CTNND2: variants seen among roughly 807,000 people sequenced by gnomAD.
CTNND2 encodes catenin delta 2, also known as catenin delta-2.
In CTNND2, 22 loss-of-function variants were observed where a neutral mutation model predicts 144.4. The observed-to-expected ratio is 0.15, with a 90% CI of 0.11 to 0.22. The LOEUF (loss-of-function observed/expected upper bound fraction) is 0.22. CTNND2 is among the 10% of genes least tolerant of loss of function. The pLI is 1.00. For synonymous variants in CTNND2, 751 were observed against 695.6 expected (o/e 1.08, Z -1.25); for missense variants, 1,353 against 1,618.8 (o/e 0.84, Z 2.82).
At chr5:11,174,094 CG>C (rs1332464457) in intron 11 of CTNND2, among the ~76,000 whole-genome samples, 1 of 152,100 alleles carries the variant, frequency 6.6e-6, no homozygotes, top group Non-Finnish European at 1.5e-5. Flanking sequence ...GAGATGGAGA[CG>C]TTCTGGCCTT....
chr5:11,827,686 G>A (rs1290382146), intron 1 of CTNND2, among the ~76,000 whole-genome samples: 2 of 152,138 alleles, frequency 1.3e-5, no homozygotes, highest in Non-Finnish European at 2.9e-5. Context: ...TGATAACACA[G>A]ATAAAACCAC....
rs376554191 is a variant in CTNND2, at chr5:11,728,379, G to T, written c.174+3757C>A. The stretch of plus-strand genomic sequence containing the variant: ...AGCTATTCAGGAGGCTGGGGCAGGA[G>T]AATCACTTGAACCTGGGAGGTGGAG... On this transcript the variant is annotated intron_variant, in intron 2 of 21. Transcript: ENST00000304623. Among the ~76,000 whole-genome samples, 24 of 152,238 alleles carry T rather than the reference G, an allele frequency of 1.6e-4. No individual in the cohort carries two copies. In the South Asian group the frequency reaches 5.0e-3, roughly 32 times the overall value.
chr5:11,502,320 AAACT>A (rs1361927898), intron 3 of CTNND2, among the ~76,000 whole-genome samples: 1 of 152,190 alleles, frequency 6.6e-6, no homozygotes, highest in Non-Finnish European at 1.5e-5. Flanking sequence ...GCGGATGTAC[AAACT>A]GTTACCTTTC....
chr5:11,435,765 C>A (rs546168622), intron 3 of CTNND2, among the ~76,000 whole-genome samples: 1 of 152,282 alleles, frequency 6.6e-6, no homozygotes, highest in African/African-American at 2.4e-5. Flanking sequence ...GGATGTCAAA[C>A]CTCAAGTCTT....
intron 2 of CTNND2, among the ~76,000 whole-genome samples, chr5:11,720,602 T>C (rs1020927411): frequency 6.6e-6 from 1 of 152,220 alleles, no homozygotes; most frequent in African/African-American, 2.4e-5. Context: ...CTGCAACATA[T>C]GTAACTTGGT....
intron 1 of CTNND2, among the ~76,000 whole-genome samples, chr5:11,887,196 A>G (rs536947729): frequency 1.8e-4 from 28 of 151,844 alleles, no homozygotes; most frequent in South Asian, 6.2e-4. Flanking sequence ...TGTTAGCCAG[A>G]ATGGTCTTGA....
intron 2 of CTNND2, among the ~76,000 whole-genome samples, chr5:11,653,493 T>C (rs566796064): frequency 1.3e-5 from 2 of 152,146 alleles, no homozygotes; most frequent in Non-Finnish European, 2.9e-5. Flanking sequence ...TTAGTGTTAT[T>C]TAGCCCTTTT....
chr5:11,184,708 T>C (rs1735440056), intron 11 of CTNND2, among the ~76,000 whole-genome samples: 1 of 152,194 alleles, frequency 6.6e-6, no homozygotes. Context: ...AATTATTTTG[T>C]CTCATCAACG....
intron 1 of CTNND2, among the ~76,000 whole-genome samples, chr5:11,771,657 T>C (rs1789949892): frequency 6.6e-6 from 1 of 152,214 alleles, no homozygotes; most frequent in Non-Finnish European, 1.5e-5. Context: ...TCTATTTACA[T>C]AATCATTTAT....
At chr5:11,679,377 T>C (rs888713744) in intron 2 of CTNND2, among the ~76,000 whole-genome samples, 5 of 152,218 alleles carry the variant, frequency 3.3e-5, no homozygotes, top group Non-Finnish European at 5.9e-5. Context: ...AGATTAAAAC[T>C]GATGCTTGTA....
intron 1 of CTNND2, among the ~76,000 whole-genome samples, chr5:11,767,889 A>G (rs780393453): frequency 1.3e-5 from 2 of 148,478 alleles, no homozygotes; most frequent in Admixed American, 1.4e-4. Flanking sequence ...GTAAAAAGAA[A>G]AATGTATGGT....
rs771740254 is a variant in CTNND2, at chr5:11,384,988, G to A, written c.854C>T (p.Ser285Leu). The A allele has an allele frequency of 1.3e-6, 2 of 1,518,474 alleles. No homozygotes were observed. The highest frequency in any genetic ancestry group is 1.4e-5 in the African/African-American group (1 of 71,688). The allele number at this position is 1,518,474 out of a possible 1,614,324, so 94.1% of individuals were successfully genotyped here. ...GGCGTAGGTGGCGCCCTCGGGGGCC[G>A]AGCCGCCGCGCTGCAGCTTGGTGGG... Reference protein sequence around the residue: ...GSPTKLQRGGSAPEGATYAAP... With the variant: ...GSPTKLQRGGLAPEGATYAAP... The change falls in exon 7 of 22, where the codon TCG becomes TTG. Residue 285 changes from serine to leucine, a missense_variant. This residue lies in a region of CTNND2 where 708 missense variants were observed against 706.4 expected (regional missense o/e 1.00). Transcript: ENST00000304623. This position sits in a 1 kb window ranked among gnomAD's most constrained non-coding sequence, Gnocchi z 5.2.
intron 1 of CTNND2, among the ~76,000 whole-genome samples, chr5:11,819,430 A>AAGAC (rs57457496): frequency 0.04 from 6,142 of 151,766 alleles, 302 homozygotes; most frequent in East Asian, 0.23. Flanking sequence ...GCAAGATTCC[A>AAGAC]AGACAGACAG....
intron 16 of CTNND2, among the ~76,000 whole-genome samples, chr5:11,031,327 A>T (rs1580091112): frequency 6.6e-6 from 1 of 151,660 alleles, no homozygotes; most frequent in East Asian, 1.9e-4. Context: ...TTTTGTGTCA[A>T]CCCTGGTTTC....
intron 12 of CTNND2, among the ~76,000 whole-genome samples, chr5:11,129,791 C>T (rs1183822784): frequency 6.6e-6 from 1 of 152,068 alleles, no homozygotes; most frequent in Non-Finnish European, 1.5e-5. Context: ...TGCAGTGCAG[C>T]CTCGTTATTT....
At chr5:11,758,738 C>G (rs1042581662) in intron 1 of CTNND2, among the ~76,000 whole-genome samples, 1 of 151,976 alleles carries the variant, frequency 6.6e-6, no homozygotes, top group Non-Finnish European at 1.5e-5. Context: ...TTTAACATTT[C>G]AAAATTCATT....
intron 16 of CTNND2, among the ~76,000 whole-genome samples, chr5:11,032,942 G>T (rs1272147802): frequency 6.6e-6 from 1 of 152,110 alleles, no homozygotes; most frequent in Non-Finnish European, 1.5e-5. Context: ...AGCCTTGATG[G>T]TTACACAAAT....
At chr5:11,593,740 T>A (rs924653182) in intron 2 of CTNND2, among the ~76,000 whole-genome samples, 2 of 152,242 alleles carry the variant, frequency 1.3e-5, no homozygotes. Context: ...TGTGGAATTG[T>A]GAGTCCATTA....
intron 2 of CTNND2, among the ~76,000 whole-genome samples, chr5:11,565,983 C>T (rs139119794): frequency 2.0e-5 from 3 of 152,164 alleles, no homozygotes; most frequent in African/African-American, 4.8e-5. Flanking sequence ...AACAAGAATG[C>T]TTTCTCATAC....
Sources: allele counts gnomAD v4.1 joint callset (sites outside exome capture counted in the v4.1 genomes callset), GRCh38; gene constraint gnomAD v4.1.1; regional missense constraint gnomAD v4.1.1; non-coding constraint Gnocchi (gnomAD v3.1); transcripts MANE v1.5; gene names NCBI Gene and HGNC (gene_info 2026-07-23, HGNC 2026-07-21).